CNTN5: variants seen among roughly 807,000 people sequenced by gnomAD.
The protein encoded by CNTN5 is contactin 5.
A neutral mutation model predicts 129.1 loss-of-function variants in CNTN5; 77 were observed. The observed-to-expected ratio is 0.60, with a 90% CI of 0.50 to 0.72. CNTN5 has a LOEUF of 0.72. Among genes scored for constraint, CNTN5 ranks in the 30% least tolerant of loss-of-function variants. CNTN5 has a pLI of 0.00. For missense variants in CNTN5, 1,478 were observed against 1,328.8 expected (o/e 1.11, Z -1.75); for synonymous variants, 509 against 465.6 (o/e 1.09, Z -1.20).
intron 2 of CNTN5, among the ~76,000 whole-genome samples, chr11:99,498,084 C>T (rs1324343346): frequency 6.6e-6 from 1 of 152,050 alleles, no homozygotes; most frequent in Non-Finnish European, 1.5e-5. Flanking sequence ...TTATGGTTAC[C>T]TAATGGGTCC....
chr11:100,210,084 C>A (rs558384909), intron 15 of CNTN5, among the ~76,000 whole-genome samples: 1 of 151,438 alleles, frequency 6.6e-6, no homozygotes, highest in African/African-American at 2.4e-5. Context: ...GCCTGAAATC[C>A]CAGCATTTTC....
chr11:99,737,907 C>T (rs1396565144), intron 3 of CNTN5, among the ~76,000 whole-genome samples: 1 of 152,014 alleles, frequency 6.6e-6, no homozygotes, highest in Non-Finnish European at 1.5e-5. Flanking sequence ...CCAGTGATTA[C>T]CATGAACTAT....
At chr11:99,062,679 C>T (rs1375894718) in intron 1 of CNTN5, among the ~76,000 whole-genome samples, 1 of 151,240 alleles carries the variant, frequency 6.6e-6, no homozygotes, top group Non-Finnish European at 1.5e-5. Flanking sequence ...GAAGGGGGTA[C>T]ATTATCTGTA....
Position 99,473,452 on chromosome 11 carries a change from T to C in CNTN5, c.-70-82693T>C, listed in dbSNP as rs147211808. Among the ~76,000 whole-genome samples the C allele has an allele frequency of 3.1e-4, 47 of 152,240 alleles. No homozygotes were observed. The East Asian group carries it at 8.5e-3, about 28-fold the overall frequency. ...ACCCTTTGAGATCAGAGTTTGCAAA[T>C]TTTGGCTTTCTCATATAACAAGAAT... On this transcript the variant is annotated intron_variant, in intron 2 of 24. Transcript: ENST00000524871.
intron 3 of CNTN5, among the ~76,000 whole-genome samples, chr11:99,701,339 T>C (rs1954510432): frequency 6.6e-6 from 1 of 151,114 alleles, no homozygotes; most frequent in Admixed American, 6.6e-5. Context: ...AAGTAGTTAT[T>C]TTTGAATACT....
At chr11:99,265,547 A>C (rs952509063) in intron 1 of CNTN5, among the ~76,000 whole-genome samples, 10 of 152,098 alleles carry the variant, frequency 6.6e-5, no homozygotes, top group Admixed American at 1.3e-4. Context: ...TGTAGCTTGC[A>C]TAACAAAGGT....
intron 16 of CNTN5, among the ~76,000 whole-genome samples, chr11:100,237,223 C>CAAGTTCCAA (rs1949638381): frequency 6.7e-6 from 1 of 150,114 alleles, no homozygotes; most frequent in East Asian, 2.0e-4. Context: ...AGAAAGAATT[C>CAAGTTCCAA]AAGTTCCAAG....
At chr11:99,060,356 TGC>T in intron 1 of CNTN5, among the ~76,000 whole-genome samples, 1 of 152,250 alleles carries the variant, frequency 6.6e-6, no homozygotes, top group South Asian at 2.1e-4. Context: ...TGCATATGCA[TGC>T]AAAATGTATA....
intron 1 of CNTN5, among the ~76,000 whole-genome samples, chr11:99,053,091 A>G (rs1422981011): frequency 6.6e-6 from 1 of 151,884 alleles, no homozygotes; most frequent in Non-Finnish European, 1.5e-5. Flanking sequence ...GTCAATGTAC[A>G]ATAATCTTTC....
chr11:99,482,292 T>C (rs1436292228), intron 2 of CNTN5, among the ~76,000 whole-genome samples: 2 of 152,154 alleles, frequency 1.3e-5, no homozygotes, highest in Non-Finnish European at 2.9e-5. Context: ...ATAGACAAGA[T>C]ACACATTTTT....
At chr11:99,249,681 A>G (rs1388055936) in intron 1 of CNTN5, among the ~76,000 whole-genome samples, 1 of 152,000 alleles carries the variant, frequency 6.6e-6, no homozygotes, top group African/African-American at 2.4e-5. Flanking sequence ...CAAATGAGAA[A>G]TTAAGACAAA....
chr11:99,653,320 C>T (rs1952229443), intron 3 of CNTN5, among the ~76,000 whole-genome samples: 2 of 151,802 alleles, frequency 1.3e-5, no homozygotes, highest in South Asian at 4.1e-4. Flanking sequence ...GCTTGTTTAT[C>T]TCATCTTTTT....
At chr11:99,250,118 G>A (rs1318777783) in intron 1 of CNTN5, among the ~76,000 whole-genome samples, 2 of 151,880 alleles carry the variant, frequency 1.3e-5, no homozygotes, top group Non-Finnish European at 1.5e-5. Flanking sequence ...TTGCATTTTT[G>A]TGATAACATA....
chr11:99,729,445 C>T (rs188543061), intron 3 of CNTN5, among the ~76,000 whole-genome samples: 189 of 152,310 alleles, frequency 1.2e-3, no homozygotes, highest in Non-Finnish European at 2.0e-3. Context: ...TGCTCCTCTC[C>T]TCCCATCCTG....
intron 6 of CNTN5, among the ~76,000 whole-genome samples, chr11:99,864,503 A>C (rs138461174): frequency 7.2e-5 from 11 of 152,072 alleles, no homozygotes; most frequent in Non-Finnish European, 8.8e-5. Flanking sequence ...TTGCTATAGC[A>C]CTGTAGTCTT....
At chr11:100,083,963 A>G (rs1302064263) in intron 13 of CNTN5, among the ~76,000 whole-genome samples, 1 of 152,180 alleles carries the variant, frequency 6.6e-6, no homozygotes, top group Non-Finnish European at 1.5e-5. Flanking sequence ...AACGAGAGAT[A>G]ACACTGAGAA....
At chr11:99,720,785 C>A (rs1277915913) in intron 3 of CNTN5, among the ~76,000 whole-genome samples, 1 of 152,102 alleles carries the variant, frequency 6.6e-6, no homozygotes, top group Non-Finnish European at 1.5e-5. Context: ...AGTGGATAAA[C>A]TTCAGCAAAG....
chr11:99,146,557 G>C (rs1350317773), intron 1 of CNTN5, among the ~76,000 whole-genome samples: 1 of 152,116 alleles, frequency 6.6e-6, no homozygotes, highest in Non-Finnish European at 1.5e-5. Context: ...CAATTCAGAA[G>C]TTAGGGTTCT....
intron 3 of CNTN5, among the ~76,000 whole-genome samples, chr11:99,672,664 C>G (rs1953097918): frequency 1.3e-5 from 2 of 150,380 alleles, no homozygotes; most frequent in African/African-American, 4.9e-5. Flanking sequence ...TGTGTCAACT[C>G]TCTCCAATTT....
Sources: gnomAD v4.1 joint callset for allele counts (sites outside exome capture counted in the v4.1 genomes callset) on GRCh38, gnomAD v4.1.1 for gene constraint, MANE v1.5 for transcripts, NCBI Gene and HGNC (gene_info 2026-07-23, HGNC 2026-07-21) for gene names.